Variants in MYRIP observed in about 807,000 individuals in gnomAD.
MYRIP encodes the protein myosin VIIA and Rab interacting protein.
In MYRIP, 49 loss-of-function variants were observed where a neutral mutation model predicts 98.0. The observed-to-expected ratio is 0.50, with a 90% CI of 0.40 to 0.63. The LOEUF is 0.63. Among genes scored for constraint, MYRIP ranks in the 30% least tolerant of loss-of-function variants. The probability of loss-of-function intolerance (pLI) is 0.00; values close to 1 mark genes in which losing one functional copy is unlikely to be tolerated. For synonymous variants in MYRIP, 404 were observed against 409.5 expected (o/e 0.99, Z 0.16); for missense variants, 1,004 against 1,058.2 (o/e 0.95, Z 0.71).
chr3:40,126,855 A>G (rs1405649062), intron 3 of MYRIP, among the ~76,000 whole-genome samples: 1 of 152,226 alleles, frequency 6.6e-6, no homozygotes, highest in Non-Finnish European at 1.5e-5. Context: ...CCTGGGGCCT[A>G]TCCTCAATGC....
chr3:40,193,362 C>T (rs565635723), intron 10 of MYRIP, among the ~76,000 whole-genome samples: 28 of 152,326 alleles, frequency 1.8e-4, no homozygotes, highest in African/African-American at 6.7e-4. Flanking sequence ...TGATAACATA[C>T]TCTTCCTGCC....
At chr3:40,035,185 G>A (rs1044645189) in intron 2 of MYRIP, among the ~76,000 whole-genome samples, 6 of 151,146 alleles carry the variant, frequency 4.0e-5, no homozygotes, top group African/African-American at 1.5e-4. Flanking sequence ...TAACAAACCT[G>A]CACATTGTGC....
At chr3:39,888,974 A>G (rs532328729) in intron 1 of MYRIP, among the ~76,000 whole-genome samples, 125 of 152,312 alleles carry the variant, frequency 8.2e-4, no homozygotes, top group African/African-American at 2.5e-3. Context: ...CAAAACCACA[A>G]TGAGATACCA....
chr3:40,080,139 G>A (rs1948442832), intron 3 of MYRIP, among the ~76,000 whole-genome samples: 1 of 152,150 alleles, frequency 6.6e-6, no homozygotes, highest in Admixed American at 6.5e-5. Flanking sequence ...CTCCTTTCCA[G>A]AATCAAGAAG....
intron 3 of MYRIP, among the ~76,000 whole-genome samples, chr3:40,131,264 T>C (rs1174808803): frequency 6.6e-6 from 1 of 152,224 alleles, no homozygotes; most frequent in Non-Finnish European, 1.5e-5. Flanking sequence ...TTCTTATTTT[T>C]ACATTCTGTA....
intron 10 of MYRIP, among the ~76,000 whole-genome samples, chr3:40,198,646 A>C (rs993467453): frequency 1.3e-5 from 2 of 152,152 alleles, no homozygotes; most frequent in Non-Finnish European, 2.9e-5. Flanking sequence ...TTGTTGATTG[A>C]GACTTCAGGA....
At chr3:40,124,394 C>T (rs2125913206) in intron 3 of MYRIP, among the ~76,000 whole-genome samples, 1 of 152,314 alleles carries the variant, frequency 6.6e-6, no homozygotes, top group African/African-American at 2.4e-5. Flanking sequence ...CCATGAATGG[C>T]TCTGTCTGAG....
chr3:39,956,642 C>T (rs373938131), intron 2 of MYRIP, among the ~76,000 whole-genome samples: 2 of 151,964 alleles, frequency 1.3e-5, no homozygotes, highest in South Asian at 2.1e-4. Flanking sequence ...AGCAAACACA[C>T]TCAAAAGCTA....
At chr3:40,201,372 C>T in intron 10 of MYRIP, among the ~76,000 whole-genome samples, 1 of 152,004 alleles carries the variant, frequency 6.6e-6, no homozygotes, top group East Asian at 1.9e-4. Context: ...GGTTTTGGTT[C>T]CTAGAGTGGG....
chr3:39,948,029 T>C (rs1477851872), intron 2 of MYRIP, among the ~76,000 whole-genome samples: 6 of 152,192 alleles, frequency 3.9e-5, no homozygotes, highest in Admixed American at 3.3e-4. Context: ...AAAGCCAGAG[T>C]TGACAATCAC....
chr3:40,219,632 G>A (rs1952263740), intron 11 of MYRIP, among the ~76,000 whole-genome samples: 2 of 152,058 alleles, frequency 1.3e-5, no homozygotes, highest in Admixed American at 1.3e-4. Context: ...ATGGTTTCCA[G>A]CTTCATCCAT....
At chr3:40,061,737 C>A (rs1948021129) in intron 3 of MYRIP, among the ~76,000 whole-genome samples, 1 of 152,202 alleles carries the variant, frequency 6.6e-6, no homozygotes, top group Non-Finnish European at 1.5e-5. Flanking sequence ...TGCAACCTCA[C>A]AAGCATCTGT....
At chr3:40,182,628 G>A (rs1950913545) in intron 9 of MYRIP, among the ~76,000 whole-genome samples, 1 of 152,184 alleles carries the variant, frequency 6.6e-6, no homozygotes, top group South Asian at 2.1e-4. Flanking sequence ...TCTATGCTCT[G>A]TGCTGAGACC....
chr3:39,829,389 A>G lies in MYRIP; in HGVS notation c.-31+19473A>G, dbSNP rs559258783. Among the ~76,000 whole-genome samples the G allele has an allele frequency of 1.3e-4, 20 of 152,234 alleles. No homozygotes were observed. In the East Asian group the frequency reaches 3.7e-3, roughly 28 times the overall value. ...GAGAATGTTTCACAGGGAAAGACTT[A>G]TTTGTATTGATAGGTCTTGGGGTTT... On this transcript the variant is annotated intron_variant, in intron 1 of 16. Coordinates refer to ENST00000302541, the MANE Select transcript of MYRIP (RefSeq NM_015460.4).
chr3:39,956,735 C>T (rs544885079), intron 2 of MYRIP, among the ~76,000 whole-genome samples: 3 of 151,186 alleles, frequency 2.0e-5, no homozygotes, highest in South Asian at 2.1e-4. Context: ...TCAATGAATC[C>T]AGGAGCTTGT....
intron 1 of MYRIP, among the ~76,000 whole-genome samples, chr3:39,896,966 C>T (rs1943624418): frequency 1.3e-5 from 2 of 152,060 alleles, no homozygotes; most frequent in South Asian, 4.1e-4. Flanking sequence ...ACAATTCTGC[C>T]TTTGTTTTGG....
At chr3:40,126,344 C>A (rs777697072) in intron 3 of MYRIP, among the ~76,000 whole-genome samples, 5 of 152,214 alleles carry the variant, frequency 3.3e-5, no homozygotes, top group Non-Finnish European at 7.3e-5. Context: ...GGTTAAGAAA[C>A]ACCTTAGCGT....
At chr3:40,109,565 G>C (rs552057280) in intron 3 of MYRIP, among the ~76,000 whole-genome samples, 10 of 152,306 alleles carry the variant, frequency 6.6e-5, no homozygotes, top group African/African-American at 2.4e-4. Context: ...CAGGAGGACT[G>C]CTTGGGGCCA....
intron 2 of MYRIP, among the ~76,000 whole-genome samples, chr3:39,999,611 A>C (rs1946463703): frequency 6.6e-6 from 1 of 152,198 alleles, no homozygotes; most frequent in South Asian, 2.1e-4. Context: ...TGTGGAAGTC[A>C]GTGTGGCTAT....
Sources: gnomAD v4.1 joint callset for allele counts (sites outside exome capture counted in the v4.1 genomes callset) on GRCh38, gnomAD v4.1.1 for gene constraint, MANE v1.5 for transcripts, NCBI Gene and HGNC (gene_info 2026-07-23, HGNC 2026-07-21) for gene names.